The following TARBP1 variants were observed in gnomAD, a reference collection of about 807,000 sequenced individuals.
TARBP1 encodes the protein tRNA (guanosine(18)-2'-O)-methyltransferase TARBP1.
In TARBP1, 144 loss-of-function variants were observed where a neutral mutation model predicts 178.6. That is an observed-to-expected ratio of 0.81 (90% CI 0.70 to 0.93). The LOEUF (loss-of-function observed/expected upper bound fraction) is 0.93. Ranked by LOEUF, TARBP1 falls within the 40% of genes least tolerant of loss-of-function variation. The probability of loss-of-function intolerance (pLI) is 0.00; values close to 1 mark genes in which losing one functional copy is unlikely to be tolerated. For synonymous variants in TARBP1, 787 were observed against 781.0 expected (o/e 1.01, Z -0.13); for missense variants, 2,067 against 2,011.7 (o/e 1.03, Z -0.53).
chr1:234,410,292 T>G (rs1404232900), intron 23 of TARBP1, 153 bp downstream of exon 23: 9 of 516,748 alleles, frequency 1.7e-5, no homozygotes, highest in Admixed American at 7.9e-5. Context: ...TACTGGGTAT[T>G]TGTGTCTAAT....
intron 20 of TARBP1, among the ~76,000 whole-genome samples, chr1:234,424,707 C>T (rs1454346386): frequency 6.6e-6 from 1 of 152,192 alleles, no homozygotes; most frequent in African/African-American, 2.4e-5. Context: ...AAGAGGATCA[C>T]TTGAGGCCAG....
intron 9 of TARBP1, among the ~76,000 whole-genome samples, chr1:234,456,639 AT>A (rs1667315218): frequency 6.6e-6 from 1 of 152,272 alleles, no homozygotes; most frequent in Admixed American, 6.5e-5. Context: ...ATACAAAAAA[AT>A]AAAATTTAAA....
chr1:234,414,711 G>A (rs533854994), intron 22 of TARBP1, among the ~76,000 whole-genome samples: 15 of 152,256 alleles, frequency 9.9e-5, no homozygotes, highest in Non-Finnish European at 1.9e-4. Flanking sequence ...AAGGCTGGGC[G>A]CGGTGGCTCA....
chr1:234,401,075 G>A (rs1660628119), intron 25 of TARBP1, 106 bp downstream of exon 25: 1 of 807,342 alleles, frequency 1.2e-6, no homozygotes. Context: ...ATGTTTGTAA[G>A]CAAGAAAAAA....
rs1173707018 is a variant in TARBP1 at position 234,466,073 on chromosome 1, T to C, written c.1249-365A>G. Among the ~76,000 whole-genome samples the C allele has an allele frequency of 2.0e-5, 3 of 150,996 alleles. No individual in the cohort carries two copies. In the East Asian group the frequency reaches 6.0e-4, roughly 30 times the overall value. ...AAGAGAAAATTTAAGCCCCTATGCC[T>C]AGAGGATAAAGAGGAAAAAAATTAT... On this transcript the variant is annotated intron_variant, in intron 4 of 29. Coordinates refer to ENST00000040877, the MANE Select transcript of TARBP1 (RefSeq NM_005646.4).
At chr1:234,423,650 C>T (rs572501300) in intron 20 of TARBP1, among the ~76,000 whole-genome samples, 2 of 152,326 alleles carry the variant, frequency 1.3e-5, no homozygotes, top group African/African-American at 4.8e-5. Context: ...GCTTGGTCTC[C>T]AGACAGCATC....
At position 234,429,583 on chromosome 1, in the gene TARBP1, T is replaced by G; in HGVS notation, c.2704A>C (p.Lys902Gln). 6.2e-7 allele frequency: 1 copy of G among 1,614,110 alleles called. No individual in the cohort carries two copies. Among genetic ancestry groups the G allele is most frequent in the Non-Finnish European group, 8.5e-7 (1 of 1,180,020 alleles). ...GTGGTTGGTATAAGGGTGTGATATT[T>G]TTTCAACAGGAAAGAGAGGCACACC... ...QWVCLSFLLK[K>Q]YHTLIPTTGS... Residue 902 changes from lysine to glutamine, a missense_variant, in exon 16 of 30, where the codon AAA becomes CAA. Coordinates refer to ENST00000040877, the MANE Select transcript of TARBP1 (RefSeq NM_005646.4).
chr1:234,430,276 TG>T lies in TARBP1; in HGVS notation c.2419del (p.Gln807ArgfsTer3), dbSNP rs1329220399. ...CAAGGCAGCCATGCTCACTACTCTCTGAATCTGACTTCCAACTGTTGGCTCC... is the reference window on the plus strand; with the variant it reads ...CAAGGCAGCCATGCTCACTACTCTCTAATCTGACTTCCAACTGTTGGCTCC... Reference protein sequence around the residue: ...GQEPTVGSQIQRVVSMAALAM... With the variant: ...GQEPTVGSQIXRVVSMAALAM... On this transcript the variant is annotated frameshift_variant, in exon 15 of 30. Coordinates refer to ENST00000040877, the MANE Select transcript of TARBP1 (RefSeq NM_005646.4). LOFTEE classifies it high-confidence loss of function. 6.2e-7 allele frequency: 1 copy of T among 1,613,902 alleles called. No individual in the cohort carries two copies. Among genetic ancestry groups the T allele is most frequent in the South Asian group, 1.1e-5 (1 of 91,086 alleles).
chr1:234,476,952 A>G (rs1261688976), intron 1 of TARBP1, among the ~76,000 whole-genome samples: 1 of 152,200 alleles, frequency 6.6e-6, no homozygotes, highest in African/African-American at 2.4e-5. Context: ...TTGGGAGGCC[A>G]AGGCGGGCAG....
At chr1:234,455,149 CG>C (rs1302247368) in intron 9 of TARBP1, among the ~76,000 whole-genome samples, 1 of 152,054 alleles carries the variant, frequency 6.6e-6, no homozygotes, top group Non-Finnish European at 1.5e-5. Flanking sequence ...ACGAGTGAAA[CG>C]GATTCCAGAC....
At chr1:234,464,269 T>C (rs74147472) in intron 5 of TARBP1, among the ~76,000 whole-genome samples, 2,268 of 152,324 alleles carry the variant, frequency 0.015, 11 homozygotes, top group Middle Eastern at 0.031. Context: ...TTATATTTTA[T>C]TGTTCCCAAC....
intron 24 of TARBP1, among the ~76,000 whole-genome samples, chr1:234,405,061 A>G (rs1187355028): frequency 1.3e-5 from 2 of 152,188 alleles, no homozygotes; most frequent in African/African-American, 4.8e-5. Flanking sequence ...CAAGACTTCT[A>G]CATGTTACTG....
chr1:234,399,778 C>T (rs532539199), intron 25 of TARBP1, among the ~76,000 whole-genome samples: 17 of 151,366 alleles, frequency 1.1e-4, no homozygotes, highest in African/African-American at 3.6e-4. Flanking sequence ...AGTAAACTAT[C>T]GCAAGAACGA....
intron 1 of TARBP1, among the ~76,000 whole-genome samples, chr1:234,474,724 C>A (rs953949336): frequency 6.6e-6 from 1 of 152,170 alleles, no homozygotes; most frequent in African/African-American, 2.4e-5. Context: ...GAATTCTACC[C>A]TCAGTCAAAC....
chr1:234,447,401 T>TTTTTTTTTTC (rs1666304822), intron 11 of TARBP1, among the ~76,000 whole-genome samples: 1 of 146,312 alleles, frequency 6.8e-6, no homozygotes. Flanking sequence ...CAACTTTTTT[T>TTTTTTTTTTC]TTTTTTTTTT....
At chr1:234,470,712 T>C (rs562865972) in intron 3 of TARBP1, among the ~76,000 whole-genome samples, 11 of 152,194 alleles carry the variant, frequency 7.2e-5, no homozygotes, top group Middle Eastern at 3.4e-3. Flanking sequence ...GCCTCCTGGA[T>C]TCGAGTGATT....
intron 27 of TARBP1, 32 bp from the exon 28 acceptor site, chr1:234,393,518 T>C (rs1447164667): frequency 3.2e-6 from 5 of 1,570,334 alleles, no homozygotes; most frequent in Middle Eastern, 1.7e-4. Context: ...ATTAAGATTG[T>C]TCCCAGCACA....
intron 20 of TARBP1, among the ~76,000 whole-genome samples, chr1:234,422,085 G>A (rs968260792): frequency 3.3e-5 from 5 of 152,110 alleles, no homozygotes; most frequent in Admixed American, 2.0e-4. Flanking sequence ...CAACCTCAAT[G>A]CAATTAAAAA....
At chr1:234,402,242 T>C (rs938849792) in intron 24 of TARBP1, among the ~76,000 whole-genome samples, 3 of 152,240 alleles carry the variant, frequency 2.0e-5, no homozygotes, top group Non-Finnish European at 4.4e-5. Context: ...AAGGAGACTG[T>C]CTCGTTTTCA....
Sources: allele counts gnomAD v4.1 joint callset (sites outside exome capture counted in the v4.1 genomes callset), GRCh38; gene constraint gnomAD v4.1.1; transcripts MANE v1.5; gene names NCBI Gene and HGNC (gene_info 2026-07-23, HGNC 2026-07-21).